The following VPS13A variants were observed in gnomAD, a reference collection of about 807,000 sequenced individuals.
The protein encoded by VPS13A is vacuolar protein sorting 13 homolog A.
In VPS13A, 264 loss-of-function variants were observed where a neutral mutation model predicts 390.9. That is an observed-to-expected ratio of 0.68 (90% CI 0.61 to 0.75). The LOEUF (loss-of-function observed/expected upper bound fraction) is 0.75. Among genes scored for constraint, VPS13A ranks in the 30% least tolerant of loss-of-function variants. The pLI, the probability that VPS13A is intolerant of heterozygous loss-of-function variation, is 0.00. For missense variants in VPS13A, 3,409 were observed against 3,733.9 expected (o/e 0.91, Z 2.27); for synonymous variants, 1,231 against 1,227.1 (o/e 1.00, Z -0.07).
chr9:77,413,897 GA>G (rs1305778395), intron 71 of VPS13A, among the ~76,000 whole-genome samples: 2 of 151,862 alleles, frequency 1.3e-5, no homozygotes, highest in Non-Finnish European at 2.9e-5. Context: ...AAATCTACAA[GA>G]AAAAAACAGC....
intron 45 of VPS13A, among the ~76,000 whole-genome samples, chr9:77,325,676 T>C (rs1471900068): frequency 6.6e-6 from 1 of 152,092 alleles, no homozygotes; most frequent in Non-Finnish European, 1.5e-5. Context: ...TTGTTGTTGA[T>C]ACTTTAGGGC....
intron 54 of VPS13A, among the ~76,000 whole-genome samples, 159 bp from the exon 55 acceptor site, chr9:77,356,554 AG>A (rs759934244): frequency 2.4e-4 from 36 of 152,244 alleles, no homozygotes; most frequent in Non-Finnish European, 4.7e-4. Flanking sequence ...AATAGGTAGT[AG>A]TTGAATGAAT....
chr9:77,370,304 A>G lies in VPS13A; in HGVS notation c.8715A>G (p.Gly2905=), dbSNP rs1832678783. ...PEEFVEGMAL[G]LKALVGGAVG... is the part of the protein sequence containing the mutation. ...AGTTTGTGGAAGGAATGGCACTAGG[A>G]CTTAAGGCACTAGTTGGTGGAGCTG... Residue 2905 remains glycine (G), a synonymous_variant, in exon 64 of 72, where the codon GGA becomes GGG. Transcript: ENST00000360280. The G allele has an allele frequency of 1.2e-6, 2 of 1,614,048 alleles. No homozygotes were observed. The highest frequency in any genetic ancestry group is 1.7e-6 in the Non-Finnish European group (2 of 1,180,028).
At chr9:77,384,174 TA>T (rs550331617) in intron 68 of VPS13A, among the ~76,000 whole-genome samples, 1 of 151,760 alleles carries the variant, frequency 6.6e-6, no homozygotes, top group Non-Finnish European at 1.5e-5. Flanking sequence ...TCTTATTTTC[TA>T]AAAAAGATGT....
intron 53 of VPS13A, 122 bp from the exon 54 acceptor site, chr9:77,353,287 A>G: frequency 1.4e-6 from 1 of 706,412 alleles, no homozygotes; most frequent in Non-Finnish European, 2.4e-6. Context: ...AGTTGCCACT[A>G]ACCCCATGAA....
chr9:77,278,202 C>G (rs1826801777), intron 26 of VPS13A, among the ~76,000 whole-genome samples: 1 of 150,606 alleles, frequency 6.6e-6, no homozygotes. Flanking sequence ...TCCTGAGTAG[C>G]TGGGACTACA....
At chr9:77,195,416 G>T (rs1824933228) in intron 1 of VPS13A, among the ~76,000 whole-genome samples, 1 of 151,550 alleles carries the variant, frequency 6.6e-6, no homozygotes, top group Admixed American at 6.6e-5. Flanking sequence ...GAGCCACCTT[G>T]CCCAACCTAT....
intron 68 of VPS13A, chr9:77,383,026 G>A (rs1587699840): frequency 8.1e-6 from 8 of 985,178 alleles, no homozygotes; most frequent in African/African-American, 1.7e-5. Flanking sequence ...ATTATGTTAT[G>A]TAGGCTTGCA....
At position 77,375,668 on chromosome 9, in the gene VPS13A, T is replaced by G. The variant is rs117113744; in HGVS notation, c.9077+4519T>G. 9.5e-3 allele frequency among the ~76,000 whole-genome samples: 1,449 copies of G among 152,178 alleles called. 19 individuals carry two copies. Among genetic ancestry groups the G allele is most frequent in the East Asian group, 0.054 (281 of 5,172 alleles). On this transcript the variant is annotated intron_variant, in intron 67 of 71. Transcript: ENST00000360280. ...GAACTTTTCAAATGTACAACAAAGG[T>G]GGAAGAACTTAATATTTTTCTCAAT...
intron 71 of VPS13A, among the ~76,000 whole-genome samples, chr9:77,411,889 C>G (rs1047351222): frequency 2.6e-5 from 4 of 151,642 alleles, no homozygotes; most frequent in Non-Finnish European, 5.9e-5. Context: ...CAAATAGATG[C>G]AATAAAAAAT....
intron 44 of VPS13A, 147 bp downstream of exon 44, chr9:77,321,893 C>G (rs953646294): frequency 1.0e-6 from 1 of 952,482 alleles, no homozygotes; most frequent in African/African-American, 1.7e-5. Context: ...AGGTCAAGAA[C>G]TGTTTTTTGT....
chr9:77,254,347 C>A (rs1384806555), intron 22 of VPS13A, among the ~76,000 whole-genome samples: 2 of 152,182 alleles, frequency 1.3e-5, no homozygotes, highest in East Asian at 3.8e-4. Flanking sequence ...AATCATTTAT[C>A]CATATATGCA....
chr9:77,380,551 C>T (rs1418928039), intron 67 of VPS13A, among the ~76,000 whole-genome samples: 1 of 152,126 alleles, frequency 6.6e-6, no homozygotes, highest in East Asian at 1.9e-4. Flanking sequence ...ACCTCATGAT[C>T]CGCCCGCCTC....
chr9:77,308,250 G>T (rs770421814), intron 35 of VPS13A, 152 bp downstream of exon 35: 15 of 883,234 alleles, frequency 1.7e-5, no homozygotes, highest in Non-Finnish European at 2.3e-5. Flanking sequence ...TTTAGTTTGG[G>T]CAAAATAAGA....
At chr9:77,245,658 A>G (rs774053827) in intron 19 of VPS13A, among the ~76,000 whole-genome samples, 2 of 152,010 alleles carry the variant, frequency 1.3e-5, no homozygotes, top group African/African-American at 2.4e-5. Context: ...TCCTCTCTCT[A>G]CTAGAGTCTT....
intron 23 of VPS13A, among the ~76,000 whole-genome samples, chr9:77,272,226 C>A (rs1826390439): frequency 6.6e-6 from 1 of 152,134 alleles, no homozygotes; most frequent in Admixed American, 6.5e-5. Context: ...AATCTTTGAA[C>A]ACCCTAAGCA....
At chr9:77,182,001 C>T (rs1824048140) in intron 1 of VPS13A, among the ~76,000 whole-genome samples, 1 of 152,104 alleles carries the variant, frequency 6.6e-6, no homozygotes, top group Admixed American at 6.6e-5. Flanking sequence ...TTATAATTCT[C>T]CCTTCCCATA....
At chr9:77,265,502 ACTT>A (rs926772894) in intron 23 of VPS13A, among the ~76,000 whole-genome samples, 10 of 152,052 alleles carry the variant, frequency 6.6e-5, no homozygotes, top group Non-Finnish European at 1.3e-4. Flanking sequence ...CAGGGATTCG[ACTT>A]CTTCCTGATT....
intron 2 of VPS13A, among the ~76,000 whole-genome samples, chr9:77,200,630 T>G (rs565878635): frequency 6.6e-6 from 1 of 152,308 alleles, no homozygotes; most frequent in East Asian, 1.9e-4. Flanking sequence ...GATCATAGCT[T>G]ACTGTAGGCC....
Sources: allele counts gnomAD v4.1 joint callset (sites outside exome capture counted in the v4.1 genomes callset), GRCh38; gene constraint gnomAD v4.1.1; transcripts MANE v1.5; gene names NCBI Gene and HGNC (gene_info 2026-07-23, HGNC 2026-07-21).